AGBL4: variants seen among roughly 807,000 people sequenced by gnomAD.
The protein encoded by AGBL4 is cytosolic carboxypeptidase 6.
AGBL4 carries 58 observed loss-of-function variants against 66.4 expected under a neutral mutation model. That is an observed-to-expected ratio of 0.87 (90% CI 0.71 to 1.09). The LOEUF (loss-of-function observed/expected upper bound fraction) is 1.09. Among genes scored for constraint, AGBL4 ranks in the 50% least tolerant of loss-of-function variants. AGBL4 has a pLI of 0.00. For synonymous variants in AGBL4, 234 were observed against 222.9 expected (o/e 1.05, Z -0.44); for missense variants, 579 against 631.0 (o/e 0.92, Z 0.88).
intron 3 of AGBL4, among the ~76,000 whole-genome samples, chr1:49,589,697 C>T (rs1407744480): frequency 6.6e-6 from 1 of 152,016 alleles, no homozygotes; most frequent in Non-Finnish European, 1.5e-5. Flanking sequence ...ATGCTAGAGA[C>T]AATGCTGGTT....
At chr1:49,335,804 C>T (rs566257389) in intron 3 of AGBL4, among the ~76,000 whole-genome samples, 28 of 152,220 alleles carry the variant, frequency 1.8e-4, no homozygotes, top group Admixed American at 1.5e-3. Context: ...CGTGAGCCAC[C>T]GTGCCTGGCC....
chr1:49,063,954 G>T (rs1271912337), intron 4 of AGBL4, among the ~76,000 whole-genome samples: 1 of 152,208 alleles, frequency 6.6e-6, no homozygotes, highest in Non-Finnish European at 1.5e-5. Context: ...AGATATTAGA[G>T]GCTAACAGGT....
intron 11 of AGBL4, among the ~76,000 whole-genome samples, chr1:48,562,056 A>G (rs1644404384): frequency 6.6e-6 from 1 of 152,208 alleles, no homozygotes. Context: ...TAGATATTCT[A>G]TTGGTTCTGT....
intron 3 of AGBL4, among the ~76,000 whole-genome samples, chr1:49,576,710 T>C (rs931700918): frequency 2.6e-5 from 4 of 152,114 alleles, no homozygotes; most frequent in Admixed American, 2.6e-4. Flanking sequence ...CACAAGTAAG[T>C]TACCTAAGGA....
At chr1:49,627,361 G>A (rs1304900584) in intron 3 of AGBL4, among the ~76,000 whole-genome samples, 1 of 152,070 alleles carries the variant, frequency 6.6e-6, no homozygotes, top group African/African-American at 2.4e-5. Context: ...AAATAGTGCA[G>A]TAGGCAAAAA....
intron 4 of AGBL4, among the ~76,000 whole-genome samples, chr1:49,235,271 AG>A (rs1465892050): frequency 9.2e-5 from 14 of 152,202 alleles, no homozygotes; most frequent in African/African-American, 3.4e-4. Flanking sequence ...CTGCTATGAG[AG>A]AGAGAATTTA....
intron 4 of AGBL4, among the ~76,000 whole-genome samples, chr1:49,108,725 T>C (rs1437441195): frequency 1.3e-5 from 2 of 152,132 alleles, no homozygotes; most frequent in Non-Finnish European, 2.9e-5. Context: ...ATAATTAACA[T>C]AACATGAATT....
chr1:49,845,426 G>T (rs1350578413), intron 2 of AGBL4: 1 of 1,425,980 alleles, frequency 7.0e-7, no homozygotes, highest in South Asian at 1.1e-5. Context: ...TGCAACAAGT[G>T]TGGGAAAGCC....
At chr1:48,645,181 C>T (rs1421251357) in intron 8 of AGBL4, among the ~76,000 whole-genome samples, 1 of 152,170 alleles carries the variant, frequency 6.6e-6, no homozygotes. Flanking sequence ...ACTGCCAGCC[C>T]CAGTGTCCTT....
chr1:49,824,087 T>C (rs1571645697), intron 2 of AGBL4, among the ~76,000 whole-genome samples: 3 of 152,120 alleles, frequency 2.0e-5, no homozygotes, highest in East Asian at 3.9e-4. Context: ...TGCATGCCTG[T>C]AATCCCAGCT....
intron 1 of AGBL4, among the ~76,000 whole-genome samples, chr1:49,860,577 T>C (rs941324645): frequency 2.6e-5 from 4 of 152,122 alleles, no homozygotes; most frequent in African/African-American, 9.7e-5. Context: ...CACATGCCAC[T>C]AGTCCCAGTA....
At chr1:49,316,802 T>C (rs1645046923) in intron 3 of AGBL4, among the ~76,000 whole-genome samples, 1 of 151,796 alleles carries the variant, frequency 6.6e-6, no homozygotes, top group South Asian at 2.1e-4. Context: ...TCATGATAAA[T>C]ACAAAAATGC....
At chr1:49,537,038 C>A (rs1651650600) in intron 3 of AGBL4, among the ~76,000 whole-genome samples, 1 of 151,690 alleles carries the variant, frequency 6.6e-6, no homozygotes, top group Non-Finnish European at 1.5e-5. Flanking sequence ...GAAACATATG[C>A]CAGGCAAAGG....
chr1:49,276,491 C>T (rs929026625), intron 3 of AGBL4, among the ~76,000 whole-genome samples: 4 of 152,134 alleles, frequency 2.6e-5, no homozygotes, highest in Non-Finnish European at 5.9e-5. Flanking sequence ...AGAAATGACC[C>T]TATAAAGCTG....
rs1645244370 is a variant in AGBL4, at chr1:49,616,057, C to T, written c.282+81256G>A. On this transcript the variant is annotated intron_variant, in intron 3 of 13. Coordinates refer to ENST00000371839, the MANE Select transcript of AGBL4 (RefSeq NM_032785.4). The stretch of plus-strand genomic sequence containing the variant: ...TCCTATTTCACTGCCTTTGATCATG[C>T]TCTTTCTCGAGGAGAAAAGGTGGTG... Among the ~76,000 whole-genome samples, 3 of 152,124 alleles carry T rather than the reference C, an allele frequency of 2.0e-5. No homozygotes were observed. The South Asian group carries it at 6.2e-4, about 31-fold the overall frequency.
chr1:49,313,375 T>A (rs990706708), intron 3 of AGBL4, among the ~76,000 whole-genome samples: 1 of 152,164 alleles, frequency 6.6e-6, no homozygotes, highest in African/African-American at 2.4e-5. Flanking sequence ...TTTATAATCC[T>A]TTGGGTATAT....
At chr1:48,951,994 T>C (rs1197557037) in intron 5 of AGBL4, among the ~76,000 whole-genome samples, 1 of 152,224 alleles carries the variant, frequency 6.6e-6, no homozygotes, top group African/African-American at 2.4e-5. Context: ...AACTAATAAA[T>C]GAAGAAATCT....
intron 3 of AGBL4, among the ~76,000 whole-genome samples, chr1:49,604,932 AC>A (rs1325956003): frequency 3.9e-5 from 6 of 152,162 alleles, no homozygotes; most frequent in Admixed American, 6.6e-5. Context: ...ATTTTTTTCT[AC>A]CTTTGTAATT....
At chr1:49,298,724 C>G (rs938919466) in intron 3 of AGBL4, among the ~76,000 whole-genome samples, 3 of 150,670 alleles carry the variant, frequency 2.0e-5, no homozygotes, top group Non-Finnish European at 4.4e-5. Context: ...AAGAATACAT[C>G]ATTGGAATTC....
Sources: allele counts gnomAD v4.1 joint callset (sites outside exome capture counted in the v4.1 genomes callset), GRCh38; gene constraint gnomAD v4.1.1; transcripts MANE v1.5; gene names NCBI Gene and HGNC (gene_info 2026-07-23, HGNC 2026-07-21).